SLC12A1: variants seen among roughly 807,000 people sequenced by gnomAD.
SLC12A1 encodes Na-K-2Cl cotransporter.
In SLC12A1, 89 loss-of-function variants were observed where a neutral mutation model predicts 130.4. That is an observed-to-expected ratio of 0.68 (90% CI 0.58 to 0.81). The LOEUF (loss-of-function observed/expected upper bound fraction) is 0.81, where lower values mean the gene tolerates loss of function less well. Ranked by LOEUF, SLC12A1 falls within the 40% of genes least tolerant of loss-of-function variation. The pLI is 0.00. For missense variants in SLC12A1, 1,310 were observed against 1,336.4 expected, an observed-to-expected ratio of 0.98 and a Z score of 0.31; for synonymous variants, 499 against 460.0, an observed-to-expected ratio of 1.08 and a Z score of -1.09.
intron 2 of SLC12A1, 38 bp downstream of exon 2, chr15:48,208,177 T>G (rs1158124041): frequency 1.3e-6 from 2 of 1,520,070 alleles, no homozygotes; most frequent in Admixed American, 4.4e-5. Flanking sequence ...CCTCCCTTAT[T>G]CATAACTTCA....
chr15:48,263,883 G>A (rs2041802655), intron 17 of SLC12A1, among the ~76,000 whole-genome samples: 1 of 152,016 alleles, frequency 6.6e-6, no homozygotes, highest in African/African-American at 2.4e-5. Context: ...TGTAGAGACA[G>A]GGTTTTGCCA....
At chr15:48,236,499 G>C (rs996174771) in intron 9 of SLC12A1, among the ~76,000 whole-genome samples, 1 of 152,168 alleles carries the variant, frequency 6.6e-6, no homozygotes, top group African/African-American at 2.4e-5. Flanking sequence ...AAAGGGAAAC[G>C]GCTGTTAGAG....
At position 48,244,953 on chromosome 15, in the gene SLC12A1, G is replaced by C. The variant is rs776053568; in HGVS notation, c.1452+49G>C. 3 of 1,549,196 alleles carry C rather than the reference G, an allele frequency of 1.9e-6. No individual in the cohort carries two copies. The African/African-American group carries it at 4.1e-5, about 21-fold the overall frequency. ...TTCACTGCTATTATTTTCATTTTTT[G>C]AATGTCACATAGAGTAAGATTTCTG... On this transcript the variant is annotated intron_variant, in intron 11 of 26. Coordinates refer to ENST00000380993, the MANE Select transcript of SLC12A1 (RefSeq NM_000338.3).
intron 14 of SLC12A1, among the ~76,000 whole-genome samples, chr15:48,250,684 A>ACACT (rs57445916): frequency 0.027 from 4,098 of 151,544 alleles, 195 homozygotes; most frequent in African/African-American, 0.095. Context: ...CCTCACACAC[A>ACACT]CACACACACA....
At chr15:48,231,579 T>C (rs969591881) in intron 7 of SLC12A1, among the ~76,000 whole-genome samples, 9 of 152,212 alleles carry the variant, frequency 5.9e-5, no homozygotes, top group African/African-American at 1.4e-4. Context: ...GGTGCTTCAG[T>C]GTCTTTACCT....
intron 9 of SLC12A1, among the ~76,000 whole-genome samples, chr15:48,235,672 A>G (rs1049140298): frequency 3.3e-5 from 5 of 152,020 alleles, no homozygotes; most frequent in Non-Finnish European, 5.9e-5. Context: ...AAATGTATGT[A>G]TATTTCTTGA....
chr15:48,246,859 A>G, intron 11 of SLC12A1, 50 bp from the exon 12 acceptor site: 1 of 1,254,434 alleles, frequency 8.0e-7, no homozygotes, highest in Non-Finnish European at 1.2e-6. Flanking sequence ...TGCTTATGAA[A>G]CAGATTCCAA....
intron 21 of SLC12A1, among the ~76,000 whole-genome samples, chr15:48,286,874 T>C (rs901521912): frequency 6.6e-6 from 1 of 152,204 alleles, no homozygotes; most frequent in Non-Finnish European, 1.5e-5. Flanking sequence ...AGGAGGCCTC[T>C]GGCTGCTTTG....
chr15:48,288,126 A>G lies in SLC12A1; in HGVS notation c.2713A>G (p.Lys905Glu), dbSNP rs750835624. 6.2e-7 allele frequency: 1 copy of G among 1,610,518 alleles called. No individual in the cohort carries two copies. The highest frequency in any genetic ancestry group is 8.5e-7 in the Non-Finnish European group (1 of 1,178,360). ...LVEASTQFKK[K>E]QEKGTIDVWW... is the part of the protein sequence containing the mutation. ...GGAAGCCAGCACTCAATTTAAAAAG[A>G]AACAAGAAAAAGGCACAATTGATGT... is the stretch of plus-strand genomic sequence containing the variant. Residue 905 changes from lysine to glutamate, a missense_variant, in exon 22 of 27, where the codon AAA becomes GAA. By Grantham distance (56) the Lys-to-Glu change is moderately conservative (BLOSUM62 1). Coordinates refer to ENST00000380993, the MANE Select transcript of SLC12A1 (RefSeq NM_000338.3).
chr15:48,275,031 G>A (rs1294498122), intron 20 of SLC12A1, among the ~76,000 whole-genome samples: 1 of 152,162 alleles, frequency 6.6e-6, no homozygotes, highest in Non-Finnish European at 1.5e-5. Flanking sequence ...TTGCTTTTGA[G>A]AGTCTATGAA....
rs2041588903 is a variant in SLC12A1, at chr15:48,246,930, T to A, written c.1474T>A (p.Phe492Ile). 1 of 1,613,860 alleles carries A rather than the reference T, an allele frequency of 6.2e-7. No individual in the cohort carries two copies. Among genetic ancestry groups the A allele is most frequent in the Non-Finnish European group, 8.5e-7 (1 of 1,179,738 alleles). Residue 492 changes from phenylalanine to isoleucine, a missense_variant, in exon 12 of 27, where the codon TTC (phenylalanine) becomes ATC (isoleucine). Coordinates refer to ENST00000380993, the MANE Select transcript of SLC12A1 (RefSeq NM_000338.3). The part of the protein sequence containing the change: ...NFQVMSMVSG[F>I]GPLITAGIFS... ...CAAGGTCATGAGCATGGTATCAGGG[T>A]TCGGCCCCCTCATCACTGCGGGAAT...
chr15:48,222,960 T>A (rs2041234384), intron 4 of SLC12A1: 2 of 152,260 alleles, frequency 1.3e-5, no homozygotes, highest in Admixed American at 6.5e-5. Flanking sequence ...AATGAGCTGC[T>A]AATGCTGTCT....
At chr15:48,220,499 C>A (rs1340462605) in intron 2 of SLC12A1, 135 bp from the exon 3 acceptor site, 5 of 868,598 alleles carry the variant, frequency 5.8e-6, no homozygotes, top group Non-Finnish European at 1.7e-6. Flanking sequence ...CATTAAAATT[C>A]TCAGAATATA....
chr15:48,236,821 T>C (rs1004878495), intron 9 of SLC12A1, among the ~76,000 whole-genome samples: 5 of 152,214 alleles, frequency 3.3e-5, no homozygotes, highest in African/African-American at 9.6e-5. Context: ...TTGTCAGCTC[T>C]GGAAGAGTAT....
Position 48,302,904 on chromosome 15 carries a change from A to G in SLC12A1, c.*19A>G. 1 of 1,570,928 alleles carries G rather than the reference A, an allele frequency of 6.4e-7. No individual in the cohort carries two copies. Among genetic ancestry groups the G allele is most frequent in the Non-Finnish European group, 8.7e-7 (1 of 1,143,542 alleles). ...CTCTTAAAACATGAAAGATTGGAAT[A>G]CATTTTAACTTAATGTAATGCATAA... On this transcript the variant is annotated 3_prime_UTR_variant, in exon 27 of 27. Coordinates refer to ENST00000380993, the MANE Select transcript of SLC12A1 (RefSeq NM_000338.3).
In SLC12A1 at chr15:48,259,253, A is replaced by T; in HGVS notation, c.2096A>T (p.Asp699Val). ...GGPMTRPALL[D>V]ITHAFTKNSG... ...CCCATGACAAGACCTGCTCTCCTGGACATAACTCACGCCTTTACCAAGAAC... is the reference window on the plus strand; with the variant it reads ...CCCATGACAAGACCTGCTCTCCTGGTCATAACTCACGCCTTTACCAAGAAC... Residue 699 changes from aspartate to valine, a missense_variant, in exon 17 of 27, where the codon GAC becomes GTC. Asp to Val is a radical substitution (Grantham distance 152). Transcript: ENST00000380993. 6.2e-7 allele frequency: 1 copy of T among 1,613,902 alleles called. No individual in the cohort carries two copies. The highest frequency in any genetic ancestry group is 8.5e-7 in the Non-Finnish European group (1 of 1,179,842).
chr15:48,267,363 T>G (rs899487412), intron 17 of SLC12A1, among the ~76,000 whole-genome samples, 198 bp from the exon 18 acceptor site: 2 of 152,204 alleles, frequency 1.3e-5, no homozygotes, highest in Non-Finnish European at 2.9e-5. Context: ...ATGTTTTGGG[T>G]AGAAAATGAA....
At chr15:48,249,954 G>GA (rs966335533) in intron 14 of SLC12A1, among the ~76,000 whole-genome samples, 13 of 152,302 alleles carry the variant, frequency 8.5e-5, no homozygotes, top group Non-Finnish European at 8.8e-5. Context: ...TTCAGCAGTA[G>GA]AAAAACACCA....
intron 6 of SLC12A1, among the ~76,000 whole-genome samples, chr15:48,229,839 C>T (rs901672369): frequency 6.6e-6 from 1 of 152,184 alleles, no homozygotes; most frequent in Non-Finnish European, 1.5e-5. Context: ...GATATATCAA[C>T]TAATTTCTAG....
Sources: gnomAD v4.1 joint callset for allele counts (sites outside exome capture counted in the v4.1 genomes callset) on GRCh38, gnomAD v4.1.1 for gene constraint, MANE v1.5 for transcripts, NCBI Gene and HGNC (gene_info 2026-07-23, HGNC 2026-07-21) for gene names.